The following MYO3B variants were observed in gnomAD, a reference collection of about 807,000 sequenced individuals.
The protein encoded by MYO3B is myosin IIIB.
A neutral mutation model predicts 174.6 loss-of-function variants in MYO3B; 156 were observed. The ratio of observed to expected loss-of-function variants is 0.89; its 90% CI spans 0.78 to 1.02. The LOEUF (loss-of-function observed/expected upper bound fraction) is 1.02, where lower values mean the gene tolerates loss of function less well. MYO3B is among the 50% of genes least tolerant of loss of function. The probability of loss-of-function intolerance (pLI) is 0.00; values close to 1 mark genes in which losing one functional copy is unlikely to be tolerated. For missense variants in MYO3B, 1,632 were observed against 1,639.4 expected, an observed-to-expected ratio of 1.00 and a Z score of 0.08; for synonymous variants, 563 against 569.1, an observed-to-expected ratio of 0.99 and a Z score of 0.15.
In MYO3B at chr2:170,395,649, C is replaced by T. The variant is rs1271689646; in HGVS notation, c.1791+3154C>T. 3.9e-5 allele frequency among the ~76,000 whole-genome samples: 6 copies of T among 152,152 alleles called. No homozygotes were observed. In the East Asian group the frequency reaches 1.2e-3, roughly 29 times the overall value. ...TTAAGATGACAAAAGTTGTGAGCCT[C>T]TGCAAAGGAGACCGAGAAGTGTTGG... On this transcript the variant is annotated intron_variant, in intron 16 of 34. Transcript: ENST00000408978.
At chr2:170,191,562 G>T (rs1309480912) in intron 1 of MYO3B, among the ~76,000 whole-genome samples, 2 of 152,108 alleles carry the variant, frequency 1.3e-5, no homozygotes, top group Admixed American at 1.3e-4. Flanking sequence ...TTCCTCCGTG[G>T]ATGCTGGCTG....
intron 6 of MYO3B, among the ~76,000 whole-genome samples, chr2:170,229,830 T>C (rs745420679): frequency 6.6e-6 from 1 of 152,214 alleles, no homozygotes; most frequent in South Asian, 2.1e-4. Flanking sequence ...CAGGTTCTTA[T>C]ACACCAAGTC....
rs868505019 is a variant in MYO3B at position 170,374,772 on chromosome 2, C to T, written c.971+5395C>T. Among the ~76,000 whole-genome samples the T allele has an allele frequency of 6.8e-3, 1,032 of 151,208 alleles. 15 individuals carry two copies. The highest frequency in any genetic ancestry group is 0.024 in the African/African-American group (985 of 41,234). ...ATATGCATACATACACACACACACA[C>T]ACACACACACACACACACACACACA... On this transcript the variant is annotated intron_variant, in intron 9 of 34. Coordinates refer to ENST00000408978, the MANE Select transcript of MYO3B (RefSeq NM_138995.5).
chr2:170,435,150 G>A (rs562995279), intron 22 of MYO3B, among the ~76,000 whole-genome samples: 2 of 152,228 alleles, frequency 1.3e-5, no homozygotes, highest in Non-Finnish European at 2.9e-5. Flanking sequence ...ATAAAGTGGA[G>A]GTTATTGCTT....
intron 7 of MYO3B, among the ~76,000 whole-genome samples, chr2:170,280,239 T>C (rs945972664): frequency 2.6e-5 from 4 of 152,204 alleles, no homozygotes; most frequent in Non-Finnish European, 5.9e-5. Flanking sequence ...TTTCATATGA[T>C]TATTGGCTGC....
chr2:170,549,561 T>G (rs59492182), intron 32 of MYO3B, among the ~76,000 whole-genome samples: 2,291 of 152,334 alleles, frequency 0.015, 45 homozygotes, highest in African/African-American at 0.042. Flanking sequence ...CTAAATTTTA[T>G]AAATTTTATA....
rs1188871139 is a variant in MYO3B, at chr2:170,654,499, T to C, written c.*1378T>C. 6.6e-6 allele frequency: 1 copy of C among 151,664 alleles called. No individual in the cohort carries two copies. The allele number at this position is 151,664 out of a possible 1,614,324, so 9.4% of individuals were successfully genotyped here. ...AAAAAAAATAATGATAATACAAAAA[T>C]TAGCCCAGCATGGTGGTGCATACCT... On this transcript the variant is annotated 3_prime_UTR_variant, in exon 35 of 35. Coordinates refer to ENST00000408978, the MANE Select transcript of MYO3B (RefSeq NM_138995.5).
Position 170,501,864 on chromosome 2 carries a change from A to C in MYO3B, c.3369A>C (p.Ala1123=), listed in dbSNP as rs777548434. The C allele has an allele frequency of 3.7e-6, 6 of 1,602,074 alleles. No homozygotes were observed. Among genetic ancestry groups the C allele is most frequent in the Non-Finnish European group, 5.1e-6 (6 of 1,170,354 alleles). ...ATGAGTCTGCTGCTCATAATCAAGC[A>C]GGTAATTAAAACATCATTTTCACAG... The part of the protein sequence containing the change: ...RRNESAAHNQ[A]GDTSNQSSGP... Residue 1123 remains alanine, a splice_region_variant and synonymous_variant, in exon 28 of 35, where the codon GCA becomes GCC. Coordinates refer to ENST00000408978, the MANE Select transcript of MYO3B (RefSeq NM_138995.5).
intron 7 of MYO3B, among the ~76,000 whole-genome samples, chr2:170,307,479 A>G (rs1477754447): frequency 6.6e-6 from 1 of 152,196 alleles, no homozygotes; most frequent in Non-Finnish European, 1.5e-5. Context: ...TATCAATATA[A>G]TAGAGAATGT....
At chr2:170,383,592 C>T in intron 11 of MYO3B, 118 bp from the exon 12 acceptor site, 1 of 747,216 alleles carries the variant, frequency 1.3e-6, no homozygotes, top group Admixed American at 2.2e-5. Flanking sequence ...CTATACCCTA[C>T]AGTCTTCCTA....
chr2:170,512,991 A>G (rs1008432273), intron 28 of MYO3B, among the ~76,000 whole-genome samples: 2 of 152,180 alleles, frequency 1.3e-5, no homozygotes, highest in Non-Finnish European at 1.5e-5. Flanking sequence ...ATGTTTGCAA[A>G]GGGCTGAGAA....
chr2:170,612,583 T>C (rs377493290), intron 32 of MYO3B, among the ~76,000 whole-genome samples: 2 of 152,068 alleles, frequency 1.3e-5, no homozygotes, highest in Non-Finnish European at 2.9e-5. Context: ...TAAAATCAAA[T>C]GAGCAACAAG....
At chr2:170,499,063 G>A (rs1242301131) in intron 26 of MYO3B, among the ~76,000 whole-genome samples, 2 of 152,116 alleles carry the variant, frequency 1.3e-5, no homozygotes, top group African/African-American at 4.8e-5. Flanking sequence ...TTTTTTCACT[G>A]GACTCATGTT....
chr2:170,273,949 GATT>G (rs2093444125), intron 7 of MYO3B, among the ~76,000 whole-genome samples: 1 of 152,150 alleles, frequency 6.6e-6, no homozygotes, highest in African/African-American at 2.4e-5. Context: ...GGGCCAATCA[GATT>G]TCCTTTCTTG....
chr2:170,478,889 TACACACACACACACACAC>T (rs143792197), intron 25 of MYO3B, among the ~76,000 whole-genome samples: 17 of 137,314 alleles, frequency 1.2e-4, no homozygotes, highest in Admixed American at 1.1e-3. Context: ...AGGTTTTACA[TACACACACACACACACAC>T]ACACACACAC....
At position 170,310,433 on chromosome 2, in the gene MYO3B, C is replaced by T. The variant is rs138581853; in HGVS notation, c.750-24952C>T. ...ATCCCAGCACTTTGCGAGACCGAGG[C>T]GGGCGGATCACCCGAGGTCAGGAGT... On this transcript the variant is annotated intron_variant, in intron 7 of 34. Transcript: ENST00000408978. Among the ~76,000 whole-genome samples, 505 of 152,124 alleles carry T rather than the reference C, an allele frequency of 3.3e-3. 1 individual carries two copies. The highest frequency in any genetic ancestry group is 5.7e-3 in the Non-Finnish European group (389 of 67,982).
chr2:170,511,369 G>C (rs1412305654), intron 28 of MYO3B, among the ~76,000 whole-genome samples: 1 of 152,058 alleles, frequency 6.6e-6, no homozygotes, highest in Non-Finnish European at 1.5e-5. Flanking sequence ...CCCAGCCTTA[G>C]AGCATTTTCC....
chr2:170,222,447 A>G (rs981180264), intron 6 of MYO3B, among the ~76,000 whole-genome samples: 2 of 152,222 alleles, frequency 1.3e-5, no homozygotes, highest in African/African-American at 4.8e-5. Flanking sequence ...AGATGCCAGC[A>G]GGCTTCCTCT....
At chr2:170,296,756 A>G (rs578043898) in intron 7 of MYO3B, among the ~76,000 whole-genome samples, 2 of 152,324 alleles carry the variant, frequency 1.3e-5, no homozygotes, top group Admixed American at 1.3e-4. Flanking sequence ...CAGGCTGTAA[A>G]GGAAGCATAG....
Sources: gnomAD v4.1 joint callset for allele counts (sites outside exome capture counted in the v4.1 genomes callset) on GRCh38, gnomAD v4.1.1 for gene constraint, MANE v1.5 for transcripts, NCBI Gene and HGNC (gene_info 2026-07-23, HGNC 2026-07-21) for gene names.